Variants in ZNF804A observed in about 807,000 individuals in gnomAD.
The protein encoded by ZNF804A is zinc finger protein 804A.
A neutral mutation model predicts 16.5 loss-of-function variants in ZNF804A; 2 were observed. The observed-to-expected ratio is 0.12, with a 90% confidence interval of 0.05 to 0.38. ZNF804A has a LOEUF of 0.38. ZNF804A is among the 10% of genes least tolerant of loss of function. The pLI is 0.99. For missense variants in ZNF804A, 1,473 were observed against 1,390.7 expected (o/e 1.06, Z -0.94); for synonymous variants, 534 against 489.6 (o/e 1.09, Z -1.20).
chr2:184,636,495 C>T (rs901689739), intron 1 of ZNF804A, among the ~76,000 whole-genome samples: 3 of 125,042 alleles, frequency 2.4e-5, no homozygotes, highest in African/African-American at 3.2e-5. Context: ...TTTGTGTTTT[C>T]TCTCTCAACT....
intron 1 of ZNF804A, among the ~76,000 whole-genome samples, chr2:184,662,862 A>G (rs1374196274): frequency 1.3e-5 from 2 of 152,228 alleles, no homozygotes; most frequent in Non-Finnish European, 2.9e-5. Context: ...GTATTTTTGA[A>G]CCATGCATTA....
intron 2 of ZNF804A, 136 bp from the exon 3 acceptor site, chr2:184,933,467 G>A: frequency 1.4e-6 from 1 of 713,186 alleles, no homozygotes; most frequent in Non-Finnish European, 2.1e-6. Context: ...GTTAGAAGTG[G>A]ATTGTCATGA....
At chr2:184,602,521 A>C (rs530866164) in intron 1 of ZNF804A, among the ~76,000 whole-genome samples, 2 of 151,982 alleles carry the variant, frequency 1.3e-5, no homozygotes, top group Non-Finnish European at 2.9e-5. Context: ...GACATTTGGT[A>C]CATCCTTTTT....
intron 1 of ZNF804A, among the ~76,000 whole-genome samples, chr2:184,857,691 C>T (rs1014304225): frequency 6.6e-6 from 1 of 152,110 alleles, no homozygotes; most frequent in Admixed American, 6.5e-5. Context: ...ATAGCCTCTA[C>T]TAAGTTGACC....
intron 1 of ZNF804A, among the ~76,000 whole-genome samples, chr2:184,736,855 C>T (rs1559138264): frequency 1.5e-5 from 2 of 129,612 alleles, no homozygotes; most frequent in Non-Finnish European, 1.8e-5. Context: ...ACTCGTATTT[C>T]TTCTTTTTTT....
At chr2:184,932,642 C>A (rs1306077468) in intron 2 of ZNF804A, among the ~76,000 whole-genome samples, 1 of 152,094 alleles carries the variant, frequency 6.6e-6, no homozygotes, top group Non-Finnish European at 1.5e-5. Flanking sequence ...ATAAGTGAGT[C>A]CTACTCAAGA....
intron 1 of ZNF804A, among the ~76,000 whole-genome samples, chr2:184,645,328 A>G (rs1415265158): frequency 6.6e-6 from 1 of 152,102 alleles, no homozygotes; most frequent in African/African-American, 2.4e-5. Context: ...TTTCTATTTT[A>G]CATTGATGAT....
chr2:184,781,393 A>G (rs1400530571), intron 1 of ZNF804A, among the ~76,000 whole-genome samples: 1 of 151,806 alleles, frequency 6.6e-6, no homozygotes, highest in Non-Finnish European at 1.5e-5. Flanking sequence ...TACATTTAAC[A>G]TGTATTTAAC....
chr2:184,735,849 A>T (rs1693598691), intron 1 of ZNF804A, among the ~76,000 whole-genome samples: 2 of 152,218 alleles, frequency 1.3e-5, no homozygotes, highest in Admixed American at 6.5e-5. Flanking sequence ...CTAAGCATGT[A>T]GAAGTTTGTG....
At chr2:184,647,313 G>C (rs774219131) in intron 1 of ZNF804A, among the ~76,000 whole-genome samples, 2 of 152,172 alleles carry the variant, frequency 1.3e-5, no homozygotes, top group Non-Finnish European at 2.9e-5. Context: ...AAGAACCAGT[G>C]CAAGAATTCT....
intron 1 of ZNF804A, among the ~76,000 whole-genome samples, chr2:184,860,887 G>T (rs1695789651): frequency 6.6e-6 from 1 of 152,232 alleles, no homozygotes; most frequent in South Asian, 2.1e-4. Flanking sequence ...CAGGAGTCTT[G>T]GGTCTCTGGG....
intron 1 of ZNF804A, among the ~76,000 whole-genome samples, chr2:184,829,899 CAAAAAAAAAA>C (rs1244566222): frequency 7.7e-5 from 3 of 38,894 alleles, no homozygotes; most frequent in Non-Finnish European, 1.4e-4. Flanking sequence ...CTGTCTCTAC[CAAAAAAAAAA>C]AAAAAAAAAA....
At chr2:184,879,205 T>C (rs1684767044) in intron 2 of ZNF804A, among the ~76,000 whole-genome samples, 1 of 151,930 alleles carries the variant, frequency 6.6e-6, no homozygotes, top group African/African-American at 2.4e-5. Flanking sequence ...AATACAAATA[T>C]TTGCAATCTT....
intron 1 of ZNF804A, among the ~76,000 whole-genome samples, chr2:184,803,135 G>A (rs1372454259): frequency 6.6e-6 from 1 of 151,452 alleles, no homozygotes; most frequent in African/African-American, 2.4e-5. Context: ...CACCCTATTA[G>A]AGCCACATTG....
intron 1 of ZNF804A, among the ~76,000 whole-genome samples, chr2:184,853,478 A>G (rs1695636389): frequency 6.6e-6 from 1 of 151,868 alleles, no homozygotes; most frequent in African/African-American, 2.4e-5. Flanking sequence ...TTTTTCTGAT[A>G]TCAGAGGAAA....
At chr2:184,772,163 C>A (rs534730033) in intron 1 of ZNF804A, among the ~76,000 whole-genome samples, 1 of 151,138 alleles carries the variant, frequency 6.6e-6, no homozygotes, top group Admixed American at 6.6e-5. Context: ...AGCAGATTTT[C>A]TGTTTTGTTG....
At chr2:184,877,251 G>A (rs1186138616) in intron 2 of ZNF804A, among the ~76,000 whole-genome samples, 13 of 151,982 alleles carry the variant, frequency 8.6e-5, no homozygotes, top group Admixed American at 8.5e-4. Flanking sequence ...TGGGGAAATA[G>A]TTTGTGAATT....
At chr2:184,865,185 A>G (rs1431228799) in intron 1 of ZNF804A, among the ~76,000 whole-genome samples, 5 of 151,908 alleles carry the variant, frequency 3.3e-5, no homozygotes, top group African/African-American at 1.2e-4. Context: ...AGGCCTAGTT[A>G]TTCTGAATTT....
chr2:184,741,929 A>G (rs1007446578), intron 1 of ZNF804A, among the ~76,000 whole-genome samples: 6 of 152,140 alleles, frequency 3.9e-5, no homozygotes, highest in African/African-American at 1.4e-4. Flanking sequence ...ACATTTTTCA[A>G]ATTATAGAGA....
Sources: allele counts gnomAD v4.1 joint callset (sites outside exome capture counted in the v4.1 genomes callset), GRCh38; gene constraint gnomAD v4.1.1; transcripts MANE v1.5; gene names NCBI Gene and HGNC (gene_info 2026-07-23, HGNC 2026-07-21).